FASN: variants seen among roughly 807,000 people sequenced by gnomAD.
The protein encoded by FASN is 3-hydroxyacyl-[acyl-carrier-protein] dehydratase.
In FASN, 50 loss-of-function variants were observed where a neutral mutation model predicts 250.0. The observed-to-expected ratio is 0.20, with a 90% CI of 0.16 to 0.25. The LOEUF is 0.25. FASN is among the 10% of genes least tolerant of loss of function. The probability of loss-of-function intolerance (pLI) is 1.00; values close to 1 mark genes in which losing one functional copy is unlikely to be tolerated. For missense variants in FASN, 3,031 were observed against 3,498.5 expected (o/e 0.87, Z 3.37); for synonymous variants, 1,909 against 1,584.0 (o/e 1.21, Z -4.87).
At position 82,083,272 on chromosome 17, in the gene FASN, T is replaced by A. The variant is rs559153593; in HGVS notation, c.5495A>T (p.His1832Leu). The A allele has an allele frequency of 6.2e-6, 10 of 1,612,520 alleles. No homozygotes were observed. The highest frequency in any genetic ancestry group is 8.5e-6 in the Non-Finnish European group (10 of 1,179,972). ...GAAGGCGTCCTCCACCTGGGCCCCA[T>A]GGAACACCGTGCACTTGAGGGGCCG... ...VVRPLKCTVF[H>L]GAQVEDAFRY... Residue 1832 changes from histidine to leucine, a missense_variant, in exon 32 of 43, where the codon CAT (histidine) becomes CTT (leucine). Physicochemically the swap from His to Leu is moderately conservative, Grantham distance 99. Coordinates refer to ENST00000306749, the MANE Select transcript of FASN (RefSeq NM_004104.5).
Position 82,080,983 on chromosome 17 carries a change from G to A in FASN, c.6596-61C>T, listed in dbSNP as rs571374587. 1.5e-5 allele frequency: 22 copies of A among 1,494,344 alleles called. No individual in the cohort carries two copies. The South Asian group carries it at 2.4e-4, about 16-fold the overall frequency. 92.6% of individuals were successfully genotyped at this position (1,494,344 alleles called of 1,614,324 possible). On this transcript the variant is annotated intron_variant, in intron 38 of 42. Transcript: ENST00000306749. The stretch of plus-strand genomic sequence containing the variant: ...GTGCAGAGCCCTGGCACCCACGCAA[G>A]GACACACAGACACGCACGCAGGTCC...
In FASN at chr17:82,083,250, G is replaced by A. The variant is rs779844202; in HGVS notation, c.5517C>T (p.Ala1839=). ...TVFHGAQVED[A]FRYMAQGKHI... ...GCTTCCCTTGGGCCATGTAGCGGAA[G>A]GCGTCCTCCACCTGGGCCCCATGGA... The change falls in exon 32 of 43, where the codon GCC becomes GCT. Residue 1839 remains alanine (A), a synonymous_variant. Coordinates refer to ENST00000306749, the MANE Select transcript of FASN (RefSeq NM_004104.5). 7 of 1,612,788 alleles carry A rather than the reference G, an allele frequency of 4.3e-6. No homozygotes were observed. In the Admixed American group the frequency reaches 1.0e-4, roughly 23 times the overall value.
At chr17:82,082,221 C>A (rs2034001748) in intron 35 of FASN, 61 bp from the exon 36 acceptor site, 2 of 1,601,554 alleles carry the variant, frequency 1.2e-6, no homozygotes, top group African/African-American at 2.7e-5. Flanking sequence ...AACGTCCCAT[C>A]CCCAGGAAAC....
Position 82,093,640 on chromosome 17 carries a change from C to T in FASN, c.412G>A (p.Ala138Thr). Residue 138 changes from alanine to threonine, a missense_variant, in exon 4 of 43, where the codon GCG (alanine) becomes ACG (threonine). Coordinates refer to ENST00000306749, the MANE Select transcript of FASN (RefSeq NM_004104.5). Reference protein sequence around the residue: ...VGYSMVGCQRAMMANRLSFFF... With the variant: ...VGYSMVGCQRTMMANRLSFFF... Reference sequence around the variant, plus strand: ...AAGGAGAGCCGGTTGGCCATCATCGCTCGCTGGCAGCCCACCATGCTGTAG... The same window carrying T: ...AAGGAGAGCCGGTTGGCCATCATCGTTCGCTGGCAGCCCACCATGCTGTAG... The T allele has an allele frequency of 6.2e-7, 1 of 1,612,804 alleles. No homozygotes were observed. Among genetic ancestry groups the T allele is most frequent in the South Asian group, 1.1e-5 (1 of 91,086 alleles).
rs773333204 is a variant in FASN at position 82,079,139 on chromosome 17, G to A, written c.*4C>T. The A allele has an allele frequency of 2.0e-5, 33 of 1,610,316 alleles. No individual in the cohort carries two copies. Among genetic ancestry groups the A allele is most frequent in the Middle Eastern group, 1.7e-4 (1 of 5,716 alleles). ...GACCTCCGGTGGCAGGCGGGGGCAC[G>A]GGCCTAGCCCTCCCGCACGCTCACG... On this transcript the variant is annotated 3_prime_UTR_variant, in exon 43 of 43. Coordinates refer to ENST00000306749, the MANE Select transcript of FASN (RefSeq NM_004104.5).
At position 82,083,037 on chromosome 17, in the gene FASN, G is replaced by C. The variant is rs200630695; in HGVS notation, c.5644C>G (p.Pro1882Ala). 1.4e-4 allele frequency: 223 copies of C among 1,612,730 alleles called. No individual in the cohort carries two copies. Among genetic ancestry groups the C allele is most frequent in the Non-Finnish European group, 1.9e-4 (219 of 1,179,994 alleles). Residue 1882 changes from proline to alanine, a missense_variant, in exon 33 of 43, where the codon CCG (proline) becomes GCG (alanine). By Grantham distance (27) the Pro-to-Ala change is conservative (BLOSUM62 -1). Transcript: ENST00000306749. ...LMSAISKTFC[P>A]AHKSYIIAGG... ...GCGATGATGTAGCTCTTGTGGGCCG[G>C]GCAGAAGGTCTTGGAGATGGCCGAC... is the stretch of plus-strand genomic sequence containing the variant.
Position 82,079,393 on chromosome 17 carries a change from G to T in FASN, c.7362C>A (p.Tyr2454Ter). 6.2e-7 allele frequency: 1 copy of T among 1,613,012 alleles called. No individual in the cohort carries two copies. The highest frequency in any genetic ancestry group is 8.5e-7 in the Non-Finnish European group (1 of 1,179,998). ...TGTAGTCCGCGCCCAGGTCCTCGCC[G>T]TAGGCGCCACCCGTCTTGGCGCGCA... ...MLLRAKTGGA[Y>*]GEDLGADYNL... The change falls in exon 42 of 43, where the codon TAC (tyrosine) becomes TAA (stop). Residue 2454 changes from tyrosine (Y) to a stop codon, truncating the protein, a stop_gained. Transcript: ENST00000306749. LOFTEE classifies it high-confidence loss of function.
intron 3 of FASN, chr17:82,094,020 C>T (rs1050604324): frequency 8.4e-5 from 49 of 581,204 alleles, no homozygotes; most frequent in Admixed American, 4.3e-4. Context: ...ACAGAGGGAA[C>T]GAGGCGGAGG....
intron 35 of FASN, 24 bp from the exon 36 acceptor site, chr17:82,082,184 C>T: frequency 6.2e-7 from 1 of 1,601,160 alleles, no homozygotes; most frequent in African/African-American, 1.3e-5. Context: ...TGTCACTCCC[C>T]ATTGGCCAGC....
chr17:82,094,747 C>T (rs1007884459), intron 3 of FASN, among the ~76,000 whole-genome samples: 4 of 151,402 alleles, frequency 2.6e-5, no homozygotes, highest in Non-Finnish European at 4.4e-5. Flanking sequence ...TGAGATCGCG[C>T]CACTGCACTC....
In FASN at chr17:82,082,545, G is replaced by A. The variant is rs143211544; in HGVS notation, c.5901C>T (p.Gly1967=). 1.1e-5 allele frequency: 17 copies of A among 1,608,378 alleles called. No homozygotes were observed. The highest frequency in any genetic ancestry group is 1.7e-5 in the Admixed American group (1 of 59,992). ...CCCTCACCACGGCCAGGTTGAAGAC[G>A]CCGCCCACGGGCCCAAGCTGCGCCG... ...AEAAQLGPVG[G]VFNLAVVLRD... is the part of the protein sequence containing the mutation. The change falls in exon 34 of 43, where the codon GGC becomes GGT. Residue 1967 remains glycine, a synonymous_variant. Coordinates refer to ENST00000306749, the MANE Select transcript of FASN (RefSeq NM_004104.5).
chr17:82,083,970 C>T lies in FASN; in HGVS notation c.5098+5G>A. ...CAGCGGGAGGCACCGGGGGCGGGGC[C>T]TTACCCACGGTGGTGAAGACGCGGC... On this transcript the variant is annotated splice_donor_5th_base_variant and intron_variant, in intron 29 of 42. Transcript: ENST00000306749. 2 of 1,541,760 alleles carry T rather than the reference C, an allele frequency of 1.3e-6. No individual in the cohort carries two copies. The highest frequency in any genetic ancestry group is 1.7e-6 in the Non-Finnish European group (2 of 1,146,052).
At chr17:82,082,825 A>G in intron 33 of FASN, 89 bp downstream of exon 33, 1 of 1,565,996 alleles carries the variant, frequency 6.4e-7, no homozygotes, top group Non-Finnish European at 8.7e-7. Flanking sequence ...GCACCGTGAC[A>G]GCCCACAATG....
chr17:82,084,900 G>C lies in FASN; in HGVS notation c.4463C>G (p.Pro1488Arg). 6.4e-7 allele frequency: 1 copy of C among 1,551,656 alleles called. No individual in the cohort carries two copies. The highest frequency in any genetic ancestry group is 1.2e-5 in the South Asian group (1 of 84,250). The change falls in exon 26 of 43, where the codon CCG becomes CGG. Residue 1488 changes from proline to arginine, a missense_variant. Transcript: ENST00000306749. ...CACCTTCTGCAGTTCTGCGGAGCCCGGGTCCACCTCCGGGACGTGGGAGGT... is the reference window on the plus strand; with the variant it reads ...CACCTTCTGCAGTTCTGCGGAGCCCCGGTCCACCTCCGGGACGTGGGAGGT... Reference protein sequence around the residue: ...SSTSHVPEVDPGSAELQKVLQ... With the variant: ...SSTSHVPEVDRGSAELQKVLQ...
At position 82,079,384 on chromosome 17, in the gene FASN, G is replaced by T; in HGVS notation, c.7371C>A (p.Asp2457Glu). The change falls in exon 42 of 43, where the codon GAC (aspartate) becomes GAA (glutamate). Residue 2457 changes from aspartate to glutamate, a missense_variant. By Grantham distance (45) the Asp-to-Glu change is conservative. Transcript: ENST00000306749. ...GGGAGAGGTTGTAGTCCGCGCCCAG[G>T]TCCTCGCCGTAGGCGCCACCCGTCT... ...RAKTGGAYGE[D>E]LGADYNLSQV... The T allele has an allele frequency of 6.2e-7, 1 of 1,613,006 alleles. No homozygotes were observed. Among genetic ancestry groups the T allele is most frequent in the Non-Finnish European group, 8.5e-7 (1 of 1,179,994 alleles).
intron 41 of FASN, 106 bp from the exon 42 acceptor site, chr17:82,079,714 G>A (rs1157537576): frequency 1.4e-6 from 2 of 1,445,680 alleles, no homozygotes; most frequent in African/African-American, 2.9e-5. Flanking sequence ...TTTCATTTTT[G>A]TTACCCAGGC....
Position 82,084,008 on chromosome 17 carries a change from G to A in FASN, c.5065C>T (p.Leu1689Phe), listed in dbSNP as rs1159576564. The A allele has an allele frequency of 6.5e-7, 1 of 1,539,080 alleles. No homozygotes were observed. Among genetic ancestry groups the A allele is most frequent in the Non-Finnish European group, 8.7e-7 (1 of 1,145,436 alleles). Reference sequence around the variant, plus strand: ...GTGAAGACGCGGCAGCCCAGACTGAGGGCGATGGCGATGGCGGCCTGGCCC... The same window carrying A: ...GTGAAGACGCGGCAGCCCAGACTGAAGGCGATGGCGATGGCGGCCTGGCCC... The part of the protein sequence containing the change: ...GVGQAAIAIA[L>F]SLGCRVFTTV... Residue 1689 changes from leucine (L) to phenylalanine (F), a missense_variant, in exon 29 of 43, where the codon CTC (leucine) becomes TTC (phenylalanine). By Grantham distance (22) the Leu-to-Phe change is conservative. Coordinates refer to ENST00000306749, the MANE Select transcript of FASN (RefSeq NM_004104.5).
chr17:82,081,040 G>A, intron 38 of FASN, 118 bp from the exon 39 acceptor site: 1 of 1,395,626 alleles, frequency 7.2e-7, no homozygotes, highest in Admixed American at 2.0e-5. Context: ...GAGTCGGGGT[G>A]GGAACGCTCA....
At chr17:82,092,162 C>A (rs180935634) in intron 8 of FASN, among the ~76,000 whole-genome samples, 88 of 152,286 alleles carry the variant, frequency 5.8e-4, no homozygotes, top group African/African-American at 1.9e-3. Flanking sequence ...CAGGCCTGCT[C>A]CTGCCTCGCT....
Sources: allele counts gnomAD v4.1 joint callset (sites outside exome capture counted in the v4.1 genomes callset), GRCh38; gene constraint gnomAD v4.1.1; transcripts MANE v1.5; gene names NCBI Gene and HGNC (gene_info 2026-07-23, HGNC 2026-07-21).